Variants in FOXP1 observed in about 807,000 individuals in gnomAD.
The protein encoded by FOXP1 is forkhead box P1.
In FOXP1, 15 loss-of-function variants were observed where a neutral mutation model predicts 98.2. The observed-to-expected ratio is 0.15, with a 90% confidence interval of 0.10 to 0.24. The LOEUF is 0.24. Ranked by LOEUF, FOXP1 falls within the 10% of genes least tolerant of loss-of-function variation. The pLI, the probability that FOXP1 is intolerant of heterozygous loss-of-function variation, is 1.00. For missense variants in FOXP1, 633 were observed against 848.5 expected, an observed-to-expected ratio of 0.75 and a Z score of 3.15; for synonymous variants, 371 against 314.5, an observed-to-expected ratio of 1.18 and a Z score of -1.90.
intron 3 of FOXP1, among the ~76,000 whole-genome samples, chr3:71,448,203 C>T (rs2086625800): frequency 6.6e-6 from 1 of 152,132 alleles, no homozygotes; most frequent in Non-Finnish European, 1.5e-5. Flanking sequence ...AGATCTTTAT[C>T]CCCTGACCAG....
At chr3:71,053,854 C>A in intron 7 of FOXP1, 81 bp from the exon 8 acceptor site, 1 of 1,523,516 alleles carries the variant, frequency 6.6e-7, no homozygotes, top group South Asian at 1.1e-5. Flanking sequence ...TGACTGCCAT[C>A]AGCCTGCTTA....
At chr3:71,302,629 TC>T (rs766350407) in intron 4 of FOXP1, 1 of 152,148 alleles carries the variant, frequency 6.6e-6, no homozygotes, top group Non-Finnish European at 1.5e-5. Flanking sequence ...TTTTTCTCTT[TC>T]TTTTTTAAGT....
At chr3:71,303,072 G>C (rs2073985012) in intron 4 of FOXP1, among the ~76,000 whole-genome samples, 1 of 152,174 alleles carries the variant, frequency 6.6e-6, no homozygotes, top group South Asian at 2.1e-4. Context: ...GCAGGTAAAT[G>C]TGGAGGTGCA....
intron 7 of FOXP1, among the ~76,000 whole-genome samples, chr3:71,103,996 T>C (rs531677808): frequency 6.6e-6 from 1 of 152,288 alleles, no homozygotes; most frequent in East Asian, 1.9e-4. Flanking sequence ...TACATTAGAC[T>C]TGATGATCAC....
At chr3:71,579,577 G>A (rs1467666709) in intron 2 of FOXP1, among the ~76,000 whole-genome samples, 1 of 151,506 alleles carries the variant, frequency 6.6e-6, no homozygotes, top group Non-Finnish European at 1.5e-5. Flanking sequence ...TTCCAAGAGT[G>A]GGCTGACACA....
intron 11 of FOXP1, among the ~76,000 whole-genome samples, chr3:71,036,799 T>C (rs1282566909): frequency 1.3e-5 from 2 of 152,234 alleles, no homozygotes; most frequent in Non-Finnish European, 2.9e-5. Context: ...ATATACACCA[T>C]AAAAGAGAAA....
At chr3:71,084,565 G>A (rs956659763) in intron 7 of FOXP1, among the ~76,000 whole-genome samples, 7 of 152,150 alleles carry the variant, frequency 4.6e-5, no homozygotes, top group African/African-American at 1.7e-4. Context: ...ACATTCTGGA[G>A]AAATACACAT....
chr3:71,304,628 A>T (rs2074121356), intron 4 of FOXP1: 1 of 152,144 alleles, frequency 6.6e-6, no homozygotes, highest in Non-Finnish European at 1.5e-5. Flanking sequence ...CTTTGCCTCA[A>T]AAAAAAGTAT....
At chr3:71,217,487 T>C (rs891329390) in intron 5 of FOXP1, among the ~76,000 whole-genome samples, 1 of 152,184 alleles carries the variant, frequency 6.6e-6, no homozygotes, top group African/African-American at 2.4e-5. Flanking sequence ...TTTTTTTGCT[T>C]CTGTTTCTAC....
intron 3 of FOXP1, among the ~76,000 whole-genome samples, chr3:71,426,689 C>T (rs2084184170): frequency 6.6e-6 from 1 of 152,186 alleles, no homozygotes; most frequent in African/African-American, 2.4e-5. Context: ...TTCTTCCTCT[C>T]ATCCTCCAAC....
At position 71,426,655 on chromosome 3, in the gene FOXP1, T is replaced by G. The variant is rs2084181847; in HGVS notation, c.-168+66771A>C. On this transcript the variant is annotated intron_variant, in intron 3 of 20. Transcript: ENST00000649528. The stretch of plus-strand genomic sequence containing the variant: ...TCAAGGTCTCCTCTGCCTAAAAGGC[T>G]CTTTCTCAATTCTATGCATGGTGTT... 2.0e-5 allele frequency among the ~76,000 whole-genome samples: 3 copies of G among 152,176 alleles called. No individual in the cohort carries two copies. The South Asian group carries it at 6.2e-4, about 31-fold the overall frequency.
intron 3 of FOXP1, among the ~76,000 whole-genome samples, chr3:71,384,321 C>A (rs781268697): frequency 1.3e-5 from 2 of 152,172 alleles, no homozygotes; most frequent in Non-Finnish European, 2.9e-5. Context: ...TAAACTTCCA[C>A]GGTCTGTGTG....
intron 3 of FOXP1, among the ~76,000 whole-genome samples, chr3:71,409,590 G>GAA (rs113333779): frequency 0.011 from 1,565 of 145,786 alleles, 30 homozygotes; most frequent in African/African-American, 0.037. Flanking sequence ...ATTTACTTTG[G>GAA]AAAAAAAAAA....
chr3:71,211,501 G>T (rs892866064), intron 5 of FOXP1, among the ~76,000 whole-genome samples: 1 of 151,862 alleles, frequency 6.6e-6, no homozygotes, highest in Non-Finnish European at 1.5e-5. Context: ...CCACCATGCC[G>T]GGCCCACATT....
intron 2 of FOXP1, among the ~76,000 whole-genome samples, chr3:71,554,297 G>C (rs749378633): frequency 1.3e-5 from 2 of 152,156 alleles, no homozygotes; most frequent in African/African-American, 2.4e-5. Context: ...AGGCTGCAGT[G>C]AGCTATGATC....
chr3:71,209,730 T>C (rs1409680891), intron 5 of FOXP1, among the ~76,000 whole-genome samples: 1 of 152,218 alleles, frequency 6.6e-6, no homozygotes, highest in African/African-American at 2.4e-5. Flanking sequence ...CAGCTTACTG[T>C]GTGTTACAAG....
intron 3 of FOXP1, among the ~76,000 whole-genome samples, chr3:71,425,537 T>A (rs77343814): frequency 0.015 from 2,261 of 152,234 alleles, 66 homozygotes; most frequent in African/African-American, 0.051. Flanking sequence ...CTCCCTCAAC[T>A]TCCTGGTGTA....
chr3:71,316,660 CTTTTT>C (rs1261668332), intron 4 of FOXP1, among the ~76,000 whole-genome samples: 1 of 139,768 alleles, frequency 7.2e-6, no homozygotes, highest in Non-Finnish European at 1.6e-5. Flanking sequence ...AGGGCATATT[CTTTTT>C]TTTTTTTTTT....
chr3:71,331,186 G>T (rs4677603), intron 4 of FOXP1, among the ~76,000 whole-genome samples: 1 of 152,066 alleles, frequency 6.6e-6, no homozygotes, highest in Admixed American at 6.5e-5. Context: ...GGGCCAGCGC[G>T]AGTTCTGGGG....
Sources: allele counts gnomAD v4.1 joint callset (sites outside exome capture counted in the v4.1 genomes callset), GRCh38; gene constraint gnomAD v4.1.1; transcripts MANE v1.5; gene names NCBI Gene and HGNC (gene_info 2026-07-23, HGNC 2026-07-21).